The following CADM1 variants were observed in gnomAD, a reference collection of about 807,000 sequenced individuals.
CADM1 encodes TSLC-1.
CADM1 carries 15 observed loss-of-function variants against 53.1 expected under a neutral mutation model. The observed-to-expected ratio is 0.28, with a 90% CI of 0.19 to 0.44. The LOEUF (loss-of-function observed/expected upper bound fraction) is 0.44, where lower values mean the gene tolerates loss of function less well. CADM1 is among the 20% of genes least tolerant of loss of function. The pLI, the probability that CADM1 is intolerant of heterozygous loss-of-function variation, is 1.00. For synonymous variants in CADM1, 281 were observed against 243.0 expected (o/e 1.16, Z -1.45); for missense variants, 434 against 611.3 (o/e 0.71, Z 3.06).
In CADM1 at chr11:115,504,372, C is replaced by A; in HGVS notation, c.23G>T (p.Ser8Ile). MASVVLP[S>I]GSQCAAAAAA... The stretch of plus-strand genomic sequence containing the variant: ...CGCTGCCGCCGCACACTGGGATCCG[C>A]TCGGCAGCACTACACTCGCCATGTC... The change falls in exon 1 of 12, where the codon AGC becomes ATC. Residue 8 changes from serine to isoleucine, a missense_variant. Physicochemically the swap from Ser to Ile is moderately radical, Grantham distance 142. Around this residue, in one of 4 missense-constraint regions of CADM1, gnomAD observed 76 missense variants for 59.8 expected, o/e 1.27. Coordinates refer to ENST00000331581, the MANE Select transcript of CADM1 (RefSeq NM_001301043.2). The A allele has an allele frequency of 6.5e-7, 1 of 1,547,658 alleles. No individual in the cohort carries two copies. Among genetic ancestry groups the A allele is most frequent in the Non-Finnish European group, 8.7e-7 (1 of 1,146,220 alleles).
intron 1 of CADM1, among the ~76,000 whole-genome samples, chr11:115,250,771 G>A (rs1302056548): frequency 6.6e-6 from 1 of 151,872 alleles, no homozygotes; most frequent in East Asian, 1.9e-4. Context: ...ATCTTATGTG[G>A]TTCAATATCC....
intron 8 of CADM1, among the ~76,000 whole-genome samples, chr11:115,206,758 C>CTTGTTTTTTTTTTTTT (rs1940706440): frequency 2.6e-5 from 1 of 38,206 alleles, no homozygotes; most frequent in Non-Finnish European, 4.5e-5. Flanking sequence ...CTGTGGACTT[C>CTTGTTTTTTTTTTTTT]TTTTTTTTTT....
rs188535686 is a variant in CADM1, at chr11:115,196,170, A to G, written c.1111+2236T>C. 1.4e-3 allele frequency among the ~76,000 whole-genome samples: 213 copies of G among 152,290 alleles called. 3 individuals are homozygous for G. Among genetic ancestry groups the G allele is most frequent in the Non-Finnish European group, 3.4e-4 (23 of 68,028 alleles). ...CTCTATTACCTGCCACAGAAATGCTATAAAGTCCCATTCCAAGTGTCTCTT... is the reference window on the plus strand; with the variant it reads ...CTCTATTACCTGCCACAGAAATGCTGTAAAGTCCCATTCCAAGTGTCTCTT... On this transcript the variant is annotated intron_variant, in intron 9 of 11. Transcript: ENST00000331581.
chr11:115,264,236 T>C lies in CADM1; in HGVS notation c.125-23816A>G, dbSNP rs116641159. ...ATCTAAAGGAGGAGACCCTGATGAA[T>C]TGGGAGTTTAAAATACAAACGGAAC... On this transcript the variant is annotated intron_variant, in intron 1 of 11. Transcript: ENST00000331581. Among the ~76,000 whole-genome samples, 672 of 152,300 alleles carry C rather than the reference T, an allele frequency of 4.4e-3. 5 individuals are homozygous for C. Among genetic ancestry groups the C allele is most frequent in the African/African-American group, 0.014 (593 of 41,550 alleles).
intron 1 of CADM1, among the ~76,000 whole-genome samples, chr11:115,421,066 T>A (rs1285768420): frequency 6.6e-6 from 1 of 152,172 alleles, no homozygotes; most frequent in East Asian, 1.9e-4. Context: ...AAATTTAACT[T>A]AATGTTAAAA....
At chr11:115,486,807 C>T (rs1949383029) in intron 1 of CADM1, among the ~76,000 whole-genome samples, 1 of 152,174 alleles carries the variant, frequency 6.6e-6, no homozygotes, top group African/African-American at 2.4e-5. Flanking sequence ...TCACCTCTTT[C>T]TCAATAGCAA....
At position 115,176,033 on chromosome 11, in the gene CADM1, G is replaced by C. The variant is rs45483591; in HGVS notation, c.*441C>G. 1.5e-4 allele frequency: 160 copies of C among 1,056,114 alleles called. No individual in the cohort carries two copies. The highest frequency in any genetic ancestry group is 1.7e-4 in the Non-Finnish European group (149 of 873,488). 65.4% of individuals were successfully genotyped at this position (1,056,114 alleles called of 1,614,324 possible). A position where few individuals can be genotyped will look rare whatever the true frequency, so the allele number is the denominator to read the frequency against. ...AAAAGTAAAAAACTAGAACAGAAAA[G>C]GGAAGGAAAAGAGTCTAAGGAATCC... is the stretch of plus-strand genomic sequence containing the variant. On this transcript the variant is annotated 3_prime_UTR_variant, in exon 12 of 12. Transcript: ENST00000331581.
chr11:115,452,581 A>G (rs544390110), intron 1 of CADM1, among the ~76,000 whole-genome samples: 3 of 152,326 alleles, frequency 2.0e-5, no homozygotes, highest in Non-Finnish European at 2.9e-5. Context: ...ATAGGGATGG[A>G]TTTCCAGAGG....
At chr11:115,190,829 G>T (rs920076028) in intron 10 of CADM1, 59 bp downstream of exon 10, 14 of 1,425,616 alleles carry the variant, frequency 9.8e-6, no homozygotes, top group Non-Finnish European at 1.2e-5. Flanking sequence ...TTTTGTAGAA[G>T]TGGATAGAGC....
chr11:115,187,622 G>T (rs892070182), intron 10 of CADM1, among the ~76,000 whole-genome samples: 1 of 152,138 alleles, frequency 6.6e-6, no homozygotes, highest in African/African-American at 2.4e-5. Context: ...TGTGTTTTTA[G>T]TAGAGATGGG....
At position 115,214,771 on chromosome 11, in the gene CADM1, C is replaced by A. The variant is rs1175591910; in HGVS notation, c.831G>T (p.Met277Ile). 4 of 1,613,874 alleles carry A rather than the reference C, an allele frequency of 2.5e-6. No individual in the cohort carries two copies. ...CATCATCGACTCTCACCCAAGTTAC[C>A]ATCACAGGCCTGCAGGGGGAAGGGG... is the stretch of plus-strand genomic sequence containing the variant. The part of the protein sequence containing the change: ...CEAIGKPQPV[M>I]VTWVRVDDEM... The change falls in exon 7 of 12, where the codon ATG becomes ATT. Residue 277 changes from methionine (M) to isoleucine (I), a missense_variant. Around this residue, in one of 4 missense-constraint regions of CADM1, gnomAD observed 311 missense variants for 435.1 expected, o/e 0.71. Coordinates refer to ENST00000331581, the MANE Select transcript of CADM1 (RefSeq NM_001301043.2).
chr11:115,383,485 A>T (rs1219785527), intron 1 of CADM1, among the ~76,000 whole-genome samples: 2 of 152,222 alleles, frequency 1.3e-5, no homozygotes, highest in Non-Finnish European at 2.9e-5. Flanking sequence ...CTTCAAGACC[A>T]TATCACAAAA....
intron 5 of CADM1, among the ~76,000 whole-genome samples, chr11:115,221,955 G>A (rs983213900): frequency 3.3e-5 from 5 of 152,092 alleles, no homozygotes; most frequent in African/African-American, 9.7e-5. Context: ...TTTCTTTGAT[G>A]TGCTCAATGC....
At chr11:115,400,661 G>GTGTATATATA (rs1295332849) in intron 1 of CADM1, among the ~76,000 whole-genome samples, 12 of 46,552 alleles carry the variant, frequency 2.6e-4, no homozygotes, top group Middle Eastern at 0.01. Context: ...GTGTGTGTGT[G>GTGTATATATA]TATATATATA....
intron 1 of CADM1, among the ~76,000 whole-genome samples, chr11:115,414,492 G>C (rs898077327): frequency 3.9e-5 from 6 of 152,080 alleles, no homozygotes; most frequent in South Asian, 4.1e-4. Context: ...CTGCAATATA[G>C]AAGTGCAACT....
intron 1 of CADM1, among the ~76,000 whole-genome samples, chr11:115,350,426 AG>A (rs1945699130): frequency 6.6e-6 from 1 of 152,142 alleles, no homozygotes; most frequent in East Asian, 1.9e-4. Flanking sequence ...AGAGGTGGAA[AG>A]CCAGGGAGAG....
intron 1 of CADM1, among the ~76,000 whole-genome samples, chr11:115,408,006 T>G (rs990761977): frequency 3.3e-5 from 5 of 150,494 alleles, no homozygotes; most frequent in Admixed American, 2.7e-4. Context: ...GTCTTCTTGC[T>G]CTAAAAGGGC....
intron 1 of CADM1, among the ~76,000 whole-genome samples, chr11:115,502,498 C>G (rs1320167274): frequency 6.6e-6 from 1 of 151,984 alleles, no homozygotes. Context: ...TGAACCCATC[C>G]AGTCAGAGGC....
At chr11:115,354,980 T>C (rs2135072460) in intron 1 of CADM1, among the ~76,000 whole-genome samples, 1 of 152,328 alleles carries the variant, frequency 6.6e-6, no homozygotes, top group African/African-American at 2.4e-5. Flanking sequence ...CTGCCTGTAA[T>C]CATTTCCCTT....
Sources: gnomAD v4.1 joint callset for allele counts (sites outside exome capture counted in the v4.1 genomes callset) on GRCh38, gnomAD v4.1.1 for gene constraint, gnomAD v4.1.1 regional missense constraint, MANE v1.5 for transcripts, NCBI Gene and HGNC (gene_info 2026-07-23, HGNC 2026-07-21) for gene names.